Variants in SPMIP2 observed in about 807,000 individuals in gnomAD.
The protein encoded by SPMIP2 is sperm microtubule inner protein 2.
chr4:158,977,390 T>C, the SPMIP2 span, among the ~76,000 whole-genome samples: 1 of 152,222 alleles, frequency 6.6e-6, no homozygotes, highest in Non-Finnish European at 1.5e-5. Context: ...TAGAGGTGTT[T>C]ACAGTATTCT....
At chr4:159,017,340 C>G in the SPMIP2 span, among the ~76,000 whole-genome samples, 1 of 81,912 alleles carries the variant, frequency 1.2e-5, no homozygotes, top group Non-Finnish European at 2.6e-5. Flanking sequence ...TAAGACAAAA[C>G]ACAAACACAA....
the SPMIP2 span, among the ~76,000 whole-genome samples, chr4:158,932,205 C>G: frequency 3.3e-5 from 5 of 152,268 alleles, no homozygotes; most frequent in Non-Finnish European, 5.9e-5. Context: ...ATTCTTAACA[C>G]TAAACAATTT....
the SPMIP2 span, among the ~76,000 whole-genome samples, chr4:159,062,466 T>A: frequency 6.6e-6 from 1 of 152,298 alleles, no homozygotes; most frequent in East Asian, 1.9e-4. Context: ...TCAGGAAGAT[T>A]AACTGAGACT....
At chr4:158,981,314 T>A in the SPMIP2 span, among the ~76,000 whole-genome samples, 1 of 152,036 alleles carries the variant, frequency 6.6e-6, no homozygotes, top group African/African-American at 2.4e-5. Context: ...TTCCCCAAAC[T>A]AGCAAGACAG....
the SPMIP2 span, among the ~76,000 whole-genome samples, chr4:159,005,639 G>A: frequency 6.6e-6 from 1 of 152,066 alleles, no homozygotes; most frequent in African/African-American, 2.4e-5. Context: ...CACACCCAGA[G>A]TTCACATACT....
At chr4:158,950,375 G>C in the SPMIP2 span, among the ~76,000 whole-genome samples, 1 of 152,150 alleles carries the variant, frequency 6.6e-6, no homozygotes, top group East Asian at 1.9e-4. Flanking sequence ...CTCATCACTT[G>C]AACTCATTCA....
At chr4:158,936,703 TC>T in the SPMIP2 span, among the ~76,000 whole-genome samples, 7 of 152,246 alleles carry the variant, frequency 4.6e-5, no homozygotes, top group Admixed American at 3.3e-4. Context: ...TCTTTAAAGA[TC>T]TTTTTTGTGT....
the SPMIP2 span, among the ~76,000 whole-genome samples, chr4:158,933,273 A>G: frequency 1.2e-4 from 19 of 152,152 alleles, no homozygotes; most frequent in African/African-American, 3.9e-4. Context: ...GGGATTGCAA[A>G]TGTGAAAACG....
chr4:159,044,217 G>A, the SPMIP2 span, among the ~76,000 whole-genome samples: 2 of 151,544 alleles, frequency 1.3e-5, no homozygotes, highest in Non-Finnish European at 2.9e-5. Context: ...CAACATCTGG[G>A]AAAGAAAACA....
the SPMIP2 span, among the ~76,000 whole-genome samples, chr4:158,924,291 G>T: frequency 6.6e-6 from 1 of 152,172 alleles, no homozygotes; most frequent in Admixed American, 6.5e-5. Flanking sequence ...TTCCTAGTTT[G>T]TTGAGTGTTT....
At chr4:159,080,133 CT>C in the SPMIP2 span, among the ~76,000 whole-genome samples, 1 of 152,130 alleles carries the variant, frequency 6.6e-6, no homozygotes, top group South Asian at 2.1e-4. Flanking sequence ...ACTGTACAGA[CT>C]TTTTCTCTCG....
chr4:158,994,731 C>CA, the SPMIP2 span, among the ~76,000 whole-genome samples: 2 of 152,110 alleles, frequency 1.3e-5, no homozygotes, highest in Non-Finnish European at 2.9e-5. Flanking sequence ...AGGTAAAGGT[C>CA]AGAGAGCGAT....
the SPMIP2 span, among the ~76,000 whole-genome samples, chr4:158,976,196 A>G: frequency 6.6e-6 from 1 of 152,288 alleles, no homozygotes; most frequent in East Asian, 1.9e-4. Flanking sequence ...GGCTGAGACA[A>G]TGGGGTTTTC....
At chr4:159,074,009 A>C in the SPMIP2 span, among the ~76,000 whole-genome samples, 6 of 152,090 alleles carry the variant, frequency 3.9e-5, no homozygotes, top group Non-Finnish European at 8.8e-5. Flanking sequence ...TGTCTCAAAA[A>C]ACAAAAACGA....
At chr4:159,008,273 T>A in the SPMIP2 span, among the ~76,000 whole-genome samples, 34 of 152,320 alleles carry the variant, frequency 2.2e-4, no homozygotes, top group African/African-American at 7.5e-4. Context: ...CAGAGTTTTG[T>A]AAGAATTGAG....
chr4:159,000,851 G>C, the SPMIP2 span, among the ~76,000 whole-genome samples: 2 of 152,082 alleles, frequency 1.3e-5, no homozygotes, highest in African/African-American at 4.8e-5. Flanking sequence ...TGTAGCAATA[G>C]TTTATTCCTT....
At chr4:159,021,477 T>A in the SPMIP2 span, among the ~76,000 whole-genome samples, 1,316 of 152,316 alleles carry the variant, frequency 8.6e-3, 8 homozygotes, top group Non-Finnish European at 0.015. Flanking sequence ...ATTGCTTATT[T>A]AACCATGATT....
chr4:159,029,782 A>AATAG, the SPMIP2 span, among the ~76,000 whole-genome samples: 3 of 152,232 alleles, frequency 2.0e-5, no homozygotes, highest in Non-Finnish European at 2.9e-5. Flanking sequence ...CTGGTTATCC[A>AATAG]ATAGATTATA....
chr4:158,985,218 G>A, the SPMIP2 span, among the ~76,000 whole-genome samples: 3 of 144,740 alleles, frequency 2.1e-5, no homozygotes, highest in Admixed American at 2.1e-4. Flanking sequence ...GGAGGAACTG[G>A]TACCATTCCT....
Sources: allele counts gnomAD v4.1 joint callset (sites outside exome capture counted in the v4.1 genomes callset), GRCh38; gene constraint gnomAD v4.1.1; transcripts MANE v1.5; gene names NCBI Gene and HGNC (gene_info 2026-07-23, HGNC 2026-07-21).